Variants in SNX29 observed in about 807,000 individuals in gnomAD.
The protein encoded by SNX29 is sorting nexin-29.
SNX29 carries 78 observed loss-of-function variants against 102.1 expected under a neutral mutation model. The ratio of observed to expected loss-of-function variants is 0.76; its 90% CI spans 0.64 to 0.92. The LOEUF (loss-of-function observed/expected upper bound fraction) is 0.92, where lower values mean the gene tolerates loss of function less well. SNX29 is among the 40% of genes least tolerant of loss of function. The pLI is 0.00. For missense variants in SNX29, 1,280 were observed against 1,061.7 expected, an observed-to-expected ratio of 1.21 and a Z score of -2.86; for synonymous variants, 580 against 414.5, an observed-to-expected ratio of 1.40 and a Z score of -4.85.
chr16:12,168,950 C>T (rs1352197468), intron 13 of SNX29, among the ~76,000 whole-genome samples: 1 of 152,114 alleles, frequency 6.6e-6, no homozygotes. Flanking sequence ...GTGGTGGTCC[C>T]CTTCTGACCT....
At chr16:12,383,510 C>G (rs1267270183) in intron 16 of SNX29, among the ~76,000 whole-genome samples, 2 of 152,060 alleles carry the variant, frequency 1.3e-5, no homozygotes, top group Non-Finnish European at 1.5e-5. Flanking sequence ...GATCTTGGCT[C>G]ACTACAACCT....
At position 12,568,890 on chromosome 16, in the gene SNX29, G is replaced by A. The variant is rs1427329576; in HGVS notation, c.*261G>A. On this transcript the variant is annotated 3_prime_UTR_variant, in exon 21 of 21. Coordinates refer to ENST00000566228, the MANE Select transcript of SNX29 (RefSeq NM_032167.5). The stretch of plus-strand genomic sequence containing the variant: ...CCTTCTGCTTCTGGGGTCTACCCTG[G>A]GCTGCAAGGGCTGTTCCTCCACCTT... 6 of 512,780 alleles carry A rather than the reference G, an allele frequency of 1.2e-5. No individual in the cohort carries two copies. The highest frequency in any genetic ancestry group is 3.5e-5 in the East Asian group (1 of 28,372). The allele number at this position is 512,780 out of a possible 1,614,324, so 31.8% of individuals were successfully genotyped here.
chr16:12,538,938 T>C (rs1398280554), intron 20 of SNX29, among the ~76,000 whole-genome samples: 1 of 152,154 alleles, frequency 6.6e-6, no homozygotes, highest in African/African-American at 2.4e-5. Context: ...TGTGGGCATG[T>C]AGCAGTGCTG....
At chr16:12,143,497 T>G (rs2054939496) in intron 13 of SNX29, among the ~76,000 whole-genome samples, 1 of 152,110 alleles carries the variant, frequency 6.6e-6, no homozygotes, top group South Asian at 2.1e-4. Context: ...ATGCAAGGGC[T>G]TCCACCGCTC....
chr16:12,363,394 G>C (rs16959318), intron 16 of SNX29, among the ~76,000 whole-genome samples: 73,967 of 152,004 alleles, frequency 0.49, 18,712 homozygotes, highest in Non-Finnish European at 0.57. Context: ...TGACCACACT[G>C]GATTAGGCTT....
chr16:12,359,163 C>A (rs2082230837), intron 16 of SNX29, among the ~76,000 whole-genome samples: 2 of 152,128 alleles, frequency 1.3e-5, no homozygotes, highest in Non-Finnish European at 2.9e-5. Flanking sequence ...GATGCTGTCT[C>A]CAGGTAGATG....
At chr16:12,259,077 T>C (rs2078657529) in intron 14 of SNX29, among the ~76,000 whole-genome samples, 1 of 152,174 alleles carries the variant, frequency 6.6e-6, no homozygotes, top group African/African-American at 2.4e-5. Context: ...TCCTGCCCTC[T>C]GCTTCCCCAG....
chr16:12,041,116 G>T (rs1285254061), intron 4 of SNX29, among the ~76,000 whole-genome samples: 2 of 152,000 alleles, frequency 1.3e-5, no homozygotes, highest in Admixed American at 6.6e-5. Flanking sequence ...TGTTTTTTTT[G>T]TTTTGTTTTT....
At chr16:12,559,571 T>TA (rs1272132606) in intron 20 of SNX29, among the ~76,000 whole-genome samples, 1 of 151,972 alleles carries the variant, frequency 6.6e-6, no homozygotes, top group East Asian at 1.9e-4. Flanking sequence ...TTCTTATACA[T>TA]AACTCATCCC....
chr16:11,988,614 G>T lies in SNX29; in HGVS notation c.8-10683G>T, dbSNP rs941831316. Among the ~76,000 whole-genome samples the T allele has an allele frequency of 7.2e-5, 11 of 152,154 alleles. 1 individual carries two copies. Among genetic ancestry groups the T allele is most frequent in the Admixed American group, 6.6e-4 (10 of 15,264 alleles). On this transcript the variant is annotated intron_variant, in intron 1 of 20. Transcript: ENST00000566228. Reference sequence around the variant, plus strand: ...GGGGTGTCACTGTATTGCCCAGGCTGGTCTCAAACTCCTAGGCTCAAGCAA... The same window carrying T: ...GGGGTGTCACTGTATTGCCCAGGCTTGTCTCAAACTCCTAGGCTCAAGCAA...
At chr16:12,112,378 C>T (rs553848607) in intron 11 of SNX29, among the ~76,000 whole-genome samples, 100 of 152,320 alleles carry the variant, frequency 6.6e-4, no homozygotes, top group Non-Finnish European at 1.2e-3. Context: ...GGGGGCAGGG[C>T]AGACTTCGGG....
chr16:12,301,261 C>G (rs374223761), intron 15 of SNX29, among the ~76,000 whole-genome samples: 4 of 152,348 alleles, frequency 2.6e-5, no homozygotes, highest in African/African-American at 9.6e-5. Context: ...CAGTAGACTC[C>G]TTCCTGTACT....
At position 12,373,208 on chromosome 16, in the gene SNX29, C is replaced by T. The variant is rs112507766; in HGVS notation, c.1899+16929C>T. On this transcript the variant is annotated intron_variant, in intron 16 of 20. Transcript: ENST00000566228. The stretch of plus-strand genomic sequence containing the variant: ...AGTGCAGTGGTGCAGTCATAGCTCG[C>T]TGCAGCCTCCGACTTGTGGGCTCAA... Among the ~76,000 whole-genome samples the T allele has an allele frequency of 2.0e-3, 300 of 152,318 alleles. 2 individuals are homozygous for T. Among genetic ancestry groups the T allele is most frequent in the African/African-American group, 6.9e-3 (285 of 41,566 alleles).
chr16:12,532,865 CT>C (rs1281331455), intron 20 of SNX29, among the ~76,000 whole-genome samples: 3 of 152,218 alleles, frequency 2.0e-5, no homozygotes, highest in African/African-American at 4.8e-5. Flanking sequence ...AAGCCTTCCC[CT>C]GCGTGAGAGA....
At chr16:12,311,151 T>C (rs564884939) in intron 15 of SNX29, among the ~76,000 whole-genome samples, 7 of 152,352 alleles carry the variant, frequency 4.6e-5, no homozygotes, top group African/African-American at 1.4e-4. Context: ...AATTAAGCTC[T>C]TCATTTGAAA....
intron 15 of SNX29, among the ~76,000 whole-genome samples, chr16:12,340,462 G>A (rs922483504): frequency 6.6e-6 from 1 of 152,226 alleles, no homozygotes; most frequent in African/African-American, 2.4e-5. Context: ...TGTCTAGACA[G>A]TGCTTGGCAT....
intron 14 of SNX29, among the ~76,000 whole-genome samples, chr16:12,274,540 C>CT (rs111226323): frequency 0.011 from 1,586 of 143,790 alleles, 14 homozygotes; most frequent in East Asian, 0.039. Flanking sequence ...CTCCCCACCT[C>CT]TTTTTTTTTT....
At chr16:12,505,633 C>G (rs182810133) in intron 19 of SNX29, among the ~76,000 whole-genome samples, 1 of 152,132 alleles carries the variant, frequency 6.6e-6, no homozygotes, top group African/African-American at 2.4e-5. Context: ...ATTACTGTGG[C>G]TTTGTACAGG....
intron 1 of SNX29, 30 bp from the exon 2 acceptor site, chr16:11,999,263 CAGAG>C: frequency 6.2e-7 from 1 of 1,610,870 alleles, no homozygotes; most frequent in Non-Finnish European, 8.5e-7. Context: ...GTCCGAGCGT[CAGAG>C]AGAACTAATT....
Sources: allele counts gnomAD v4.1 joint callset (sites outside exome capture counted in the v4.1 genomes callset), GRCh38; gene constraint gnomAD v4.1.1; transcripts MANE v1.5; gene names NCBI Gene and HGNC (gene_info 2026-07-23, HGNC 2026-07-21).